ZEB1: variants seen among roughly 807,000 people sequenced by gnomAD.
The protein encoded by ZEB1 is zinc finger E-box binding homeobox 1.
In ZEB1, 21 loss-of-function variants were observed where a neutral mutation model predicts 84.9. That is an observed-to-expected ratio of 0.25 (90% CI 0.18 to 0.36). ZEB1 has a LOEUF of 0.36. Ranked by LOEUF, ZEB1 falls within the 10% of genes least tolerant of loss-of-function variation. The pLI, the probability that ZEB1 is intolerant of heterozygous loss-of-function variation, is 1.00. For synonymous variants in ZEB1, 420 were observed against 471.1 expected (o/e 0.89, Z 1.41); for missense variants, 1,104 against 1,330.2 (o/e 0.83, Z 2.65).
At chr10:31,466,845 A>G (rs941788088) in intron 2 of ZEB1, among the ~76,000 whole-genome samples, 2 of 152,234 alleles carry the variant, frequency 1.3e-5, no homozygotes, top group African/African-American at 4.8e-5. Flanking sequence ...GATAAAATCA[A>G]CAAACATTTA....
At chr10:31,440,687 C>A (rs2058832478) in intron 1 of ZEB1, among the ~76,000 whole-genome samples, 1 of 152,200 alleles carries the variant, frequency 6.6e-6, no homozygotes, top group Non-Finnish European at 1.5e-5. Flanking sequence ...TCTCCTTAAG[C>A]TGATAAGCAA....
intron 6 of ZEB1, among the ~76,000 whole-genome samples, chr10:31,517,411 C>T (rs1236336306): frequency 6.6e-6 from 1 of 151,666 alleles, no homozygotes; most frequent in East Asian, 1.9e-4. Flanking sequence ...TGGCTGTGGT[C>T]CACCCCCAAA....
intron 1 of ZEB1, among the ~76,000 whole-genome samples, chr10:31,339,358 A>G (rs7900975): frequency 6.6e-6 from 1 of 152,090 alleles, no homozygotes; most frequent in Non-Finnish European, 1.5e-5. Flanking sequence ...CTTTTAGAGA[A>G]TCTTCTGAGA....
At chr10:31,321,219 A>G in intron 1 of ZEB1, 3 of 1,167,514 alleles carry the variant, frequency 2.6e-6, no homozygotes, top group East Asian at 4.7e-5. Context: ...TTTCCTGTCT[A>G]GAAGCAGATA....
chr10:31,413,576 T>C (rs2054667081), intron 1 of ZEB1, among the ~76,000 whole-genome samples: 1 of 151,956 alleles, frequency 6.6e-6, no homozygotes, highest in South Asian at 2.1e-4. Flanking sequence ...TAAAAAGGAA[T>C]GAGACAAACA....
intron 1 of ZEB1, among the ~76,000 whole-genome samples, chr10:31,457,624 A>G (rs1383908910): frequency 5.3e-5 from 8 of 152,136 alleles, no homozygotes; most frequent in South Asian, 2.1e-4. Flanking sequence ...GACATAATCT[A>G]TCTTACAATG....
At chr10:31,491,377 T>C (rs928982123) in intron 2 of ZEB1, among the ~76,000 whole-genome samples, 11 of 151,830 alleles carry the variant, frequency 7.2e-5, no homozygotes, top group African/African-American at 2.2e-4. Flanking sequence ...TCATTATCTC[T>C]GCTACTACCT....
intron 1 of ZEB1, among the ~76,000 whole-genome samples, chr10:31,330,372 A>T (rs926219351): frequency 1.3e-5 from 2 of 152,164 alleles, no homozygotes; most frequent in Non-Finnish European, 2.9e-5. Context: ...GGGGTTTTCA[A>T]GGTTCTTCAT....
chr10:31,336,601 C>A (rs961984419), intron 1 of ZEB1, among the ~76,000 whole-genome samples: 4 of 151,822 alleles, frequency 2.6e-5, no homozygotes, highest in Non-Finnish European at 4.4e-5. Context: ...GTGCCTAATC[C>A]CGTATTTAGC....
chr10:31,465,519 T>G (rs1189799827), intron 2 of ZEB1, among the ~76,000 whole-genome samples: 1 of 151,816 alleles, frequency 6.6e-6, no homozygotes, highest in East Asian at 1.9e-4. Flanking sequence ...CACTTAAAAC[T>G]TTTCAGAAAA....
chr10:31,498,796 CATA>C (rs1190950661), intron 3 of ZEB1, among the ~76,000 whole-genome samples: 3 of 151,812 alleles, frequency 2.0e-5, no homozygotes, highest in African/African-American at 7.2e-5. Flanking sequence ...AATGTTGTGT[CATA>C]ATATTTACTT....
At chr10:31,457,439 A>C (rs1016380433) in intron 1 of ZEB1, among the ~76,000 whole-genome samples, 5 of 152,102 alleles carry the variant, frequency 3.3e-5, no homozygotes, top group African/African-American at 7.2e-5. Flanking sequence ...TAAGTGACAG[A>C]AGCAAAAGAC....
chr10:31,357,262 G>A (rs1351606806), intron 1 of ZEB1, among the ~76,000 whole-genome samples: 1 of 152,144 alleles, frequency 6.6e-6, no homozygotes, highest in Admixed American at 6.6e-5. Context: ...CATACTTCTA[G>A]CAACTTCAGC....
intron 3 of ZEB1, among the ~76,000 whole-genome samples, chr10:31,500,589 C>T (rs61846217): frequency 0.012 from 1,808 of 152,270 alleles, 26 homozygotes; most frequent in Admixed American, 0.022. Context: ...TTTCCCTAAT[C>T]GGTATTTTGA....
chr10:31,388,754 G>T (rs142864719), intron 1 of ZEB1, among the ~76,000 whole-genome samples: 1 of 151,952 alleles, frequency 6.6e-6, no homozygotes, highest in East Asian at 1.9e-4. Context: ...ATTTGCAAGA[G>T]CATGCTAAAT....
chr10:31,494,255 T>C (rs1453250251), intron 2 of ZEB1, among the ~76,000 whole-genome samples: 1 of 152,050 alleles, frequency 6.6e-6, no homozygotes, highest in African/African-American at 2.4e-5. Flanking sequence ...GTAAACACTT[T>C]ACCAAGAATT....
chr10:31,335,463 T>C (rs1400956051), intron 1 of ZEB1, among the ~76,000 whole-genome samples: 1 of 152,174 alleles, frequency 6.6e-6, no homozygotes, highest in African/African-American at 2.4e-5. Flanking sequence ...TTGGGTTTAC[T>C]CTAGAATTTC....
chr10:31,361,246 G>T, intron 1 of ZEB1: 1 of 1,599,830 alleles, frequency 6.3e-7, no homozygotes, highest in Admixed American at 1.7e-5. Flanking sequence ...AGGCTGGAGT[G>T]CAGTGGTGCG....
intron 2 of ZEB1, among the ~76,000 whole-genome samples, chr10:31,461,719 C>T (rs1273098965): frequency 6.6e-6 from 1 of 152,022 alleles, no homozygotes; most frequent in African/African-American, 2.4e-5. Flanking sequence ...TTTACTTTTA[C>T]TCAAAGTATG....
Sources: gnomAD v4.1 joint callset for allele counts (sites outside exome capture counted in the v4.1 genomes callset) on GRCh38, gnomAD v4.1.1 for gene constraint, MANE v1.5 for transcripts, NCBI Gene and HGNC (gene_info 2026-07-23, HGNC 2026-07-21) for gene names.